The following DCLK1 variants were observed in gnomAD, a reference collection of about 807,000 sequenced individuals.
DCLK1 encodes doublecortin like kinase 1, also known as serine/threonine-protein kinase DCLK1.
DCLK1 carries 16 observed loss-of-function variants against 86.2 expected under a neutral mutation model. That is an observed-to-expected ratio of 0.19 (90% CI 0.13 to 0.28). DCLK1 has a LOEUF of 0.28. Ranked by LOEUF, DCLK1 falls within the 10% of genes least tolerant of loss-of-function variation. The pLI, the probability that DCLK1 is intolerant of heterozygous loss-of-function variation, is 1.00. For missense variants in DCLK1, 590 were observed against 940.2 expected (o/e 0.63, Z 4.87); for synonymous variants, 369 against 370.5 (o/e 1.00, Z 0.05).
chr13:35,843,215 C>T (rs1316230702), intron 6 of DCLK1, among the ~76,000 whole-genome samples: 1 of 152,176 alleles, frequency 6.6e-6, no homozygotes, highest in East Asian at 1.9e-4. Flanking sequence ...TCCAAGGCAT[C>T]TGGGTGTACA....
chr13:36,112,295 T>A (rs1022193785), intron 2 of DCLK1, 80 bp from the exon 3 acceptor site: 111 of 1,165,686 alleles, frequency 9.5e-5, no homozygotes, highest in South Asian at 1.6e-4. Flanking sequence ...TCTTTTGCCT[T>A]TTCTGCTTAG....
At chr13:35,795,649 G>C (rs367846581) in intron 15 of DCLK1, among the ~76,000 whole-genome samples, 9 of 152,110 alleles carry the variant, frequency 5.9e-5, no homozygotes, top group Non-Finnish European at 1.2e-4. Flanking sequence ...GGCCAAATGC[G>C]GTGGCTCACA....
chr13:35,987,919 A>G (rs1316054455), intron 3 of DCLK1, among the ~76,000 whole-genome samples: 1 of 152,144 alleles, frequency 6.6e-6, no homozygotes, highest in East Asian at 1.9e-4. Flanking sequence ...CCTGCTCCCC[A>G]CATCTGTCTC....
At chr13:35,975,415 G>C (rs529053581) in intron 3 of DCLK1, among the ~76,000 whole-genome samples, 25 of 152,238 alleles carry the variant, frequency 1.6e-4, no homozygotes, top group Admixed American at 1.5e-3. Context: ...AAACACAAGG[G>C]CAACAAGGTG....
At chr13:35,796,656 C>A (rs2086817763) in intron 15 of DCLK1, among the ~76,000 whole-genome samples, 1 of 152,134 alleles carries the variant, frequency 6.6e-6, no homozygotes, top group African/African-American at 2.4e-5. Flanking sequence ...AAGGTGAATT[C>A]ATTTGCTCCA....
chr13:35,965,483 T>G (rs1878685812), intron 3 of DCLK1, among the ~76,000 whole-genome samples: 1 of 152,230 alleles, frequency 6.6e-6, no homozygotes, highest in Non-Finnish European at 1.5e-5. Flanking sequence ...GTTATTCACT[T>G]GGTTGTAAGC....
At chr13:36,047,658 G>A (rs996656275) in intron 3 of DCLK1, among the ~76,000 whole-genome samples, 5 of 151,892 alleles carry the variant, frequency 3.3e-5, no homozygotes, top group African/African-American at 1.2e-4. Flanking sequence ...GAAATGGAGA[G>A]TAGAAAGGTG....
At chr13:36,019,264 C>T (rs1477047295) in intron 3 of DCLK1, among the ~76,000 whole-genome samples, 2 of 152,066 alleles carry the variant, frequency 1.3e-5, no homozygotes, top group East Asian at 3.9e-4. Context: ...CAAACTATCC[C>T]GTATTCCCAA....
chr13:36,051,396 C>T (rs1883118116), intron 3 of DCLK1, among the ~76,000 whole-genome samples: 1 of 152,154 alleles, frequency 6.6e-6, no homozygotes, highest in Non-Finnish European at 1.5e-5. Flanking sequence ...ACTGCTCAAC[C>T]ATATTCACAC....
chr13:36,018,788 A>G (rs894176588), intron 3 of DCLK1, among the ~76,000 whole-genome samples: 1 of 152,156 alleles, frequency 6.6e-6, no homozygotes, highest in Admixed American at 6.5e-5. Flanking sequence ...TCTTTCATCC[A>G]TATTTACTTT....
chr13:35,883,462 G>A (rs181059743), intron 4 of DCLK1, among the ~76,000 whole-genome samples: 449 of 152,286 alleles, frequency 2.9e-3, no homozygotes, highest in African/African-American at 0.01. Context: ...CTTCCACCAT[G>A]AGTGGAAGTA....
chr13:36,081,580 T>C (rs575165753), intron 3 of DCLK1, among the ~76,000 whole-genome samples: 1 of 152,284 alleles, frequency 6.6e-6, no homozygotes, highest in South Asian at 2.1e-4. Context: ...TTCCAAGAAA[T>C]GGCATTCTTG....
intron 3 of DCLK1, among the ~76,000 whole-genome samples, chr13:36,039,708 C>A (rs572827478): frequency 2.0e-5 from 3 of 152,014 alleles, no homozygotes; most frequent in South Asian, 2.1e-4. Flanking sequence ...AAAAAAAAAT[C>A]TTTGATCCAG....
At chr13:35,779,979 G>A (rs2086496590) in intron 16 of DCLK1, among the ~76,000 whole-genome samples, 2 of 136,880 alleles carry the variant, frequency 1.5e-5, no homozygotes. Context: ...TTTCTTCCCC[G>A]CCCCTGAAAA....
intron 3 of DCLK1, among the ~76,000 whole-genome samples, chr13:36,077,885 C>T (rs1441748279): frequency 6.6e-6 from 1 of 152,168 alleles, no homozygotes; most frequent in Non-Finnish European, 1.5e-5. Context: ...ATGTCATGAA[C>T]ATTAATATGA....
chr13:35,900,982 C>T (rs780887359), intron 4 of DCLK1, among the ~76,000 whole-genome samples: 1 of 151,914 alleles, frequency 6.6e-6, no homozygotes, highest in South Asian at 2.1e-4. Flanking sequence ...AAAGACTCAA[C>T]AAAGTATTTT....
chr13:35,873,680 C>A (rs1350943260), intron 4 of DCLK1, among the ~76,000 whole-genome samples: 1 of 152,148 alleles, frequency 6.6e-6, no homozygotes, highest in Non-Finnish European at 1.5e-5. Flanking sequence ...GCCACCATGC[C>A]CGGCCTCAAA....
chr13:35,888,980 T>C (rs1252679796), intron 4 of DCLK1, among the ~76,000 whole-genome samples: 1 of 151,966 alleles, frequency 6.6e-6, no homozygotes. Flanking sequence ...CAATCTCACA[T>C]GGCAGAATTT....
At chr13:35,974,362 T>A (rs1879220927) in intron 3 of DCLK1, among the ~76,000 whole-genome samples, 1 of 152,210 alleles carries the variant, frequency 6.6e-6, no homozygotes, top group Admixed American at 6.5e-5. Context: ...CACAGACAGA[T>A]GCAGAGGGAA....
Sources: gnomAD v4.1 joint callset for allele counts (sites outside exome capture counted in the v4.1 genomes callset) on GRCh38, gnomAD v4.1.1 for gene constraint, MANE v1.5 for transcripts, NCBI Gene and HGNC (gene_info 2026-07-23, HGNC 2026-07-21) for gene names.